KLHL1: variants seen among roughly 807,000 people sequenced by gnomAD.
KLHL1 encodes the protein kelch-like protein 1.
A neutral mutation model predicts 77.7 loss-of-function variants in KLHL1; 47 were observed. The observed-to-expected ratio is 0.60, with a 90% confidence interval of 0.48 to 0.77. KLHL1 has a LOEUF of 0.77. Ranked by LOEUF, KLHL1 falls within the 30% of genes least tolerant of loss-of-function variation. The probability of loss-of-function intolerance (pLI) is 0.00; values close to 1 mark genes in which losing one functional copy is unlikely to be tolerated. For synonymous variants in KLHL1, 360 were observed against 325.2 expected (o/e 1.11, Z -1.15); for missense variants, 925 against 910.8 (o/e 1.02, Z -0.20).
intron 7 of KLHL1, among the ~76,000 whole-genome samples, chr13:69,790,826 G>C (rs1876836532): frequency 6.6e-6 from 1 of 152,108 alleles, no homozygotes; most frequent in African/African-American, 2.4e-5. Context: ...GAGGCAGGTG[G>C]ATCACCTGAG....
intron 9 of KLHL1, among the ~76,000 whole-genome samples, chr13:69,713,784 C>A (rs1176566207): frequency 6.6e-6 from 1 of 151,328 alleles, no homozygotes; most frequent in Non-Finnish European, 1.5e-5. Flanking sequence ...TAATGGTTAC[C>A]CTTAGAGACA....
chr13:70,068,401 C>T (rs1887064896), intron 1 of KLHL1, among the ~76,000 whole-genome samples: 1 of 152,132 alleles, frequency 6.6e-6, no homozygotes, highest in Admixed American at 6.6e-5. Flanking sequence ...ATTATATTTA[C>T]AGTGACACTG....
intron 1 of KLHL1, among the ~76,000 whole-genome samples, chr13:70,004,336 A>T (rs1885359484): frequency 1.3e-5 from 2 of 151,800 alleles, no homozygotes; most frequent in African/African-American, 4.8e-5. Context: ...GGAACATAAA[A>T]ACATTTCACT....
At chr13:69,983,914 A>AGGCACAAG (rs1178231284) in intron 1 of KLHL1, among the ~76,000 whole-genome samples, 4 of 151,920 alleles carry the variant, frequency 2.6e-5, no homozygotes, top group South Asian at 4.2e-4. Context: ...TTTTTGACAA[A>AGGCACAAG]GATCCCACAG....
At chr13:69,918,539 G>A (rs1291611081) in intron 4 of KLHL1, among the ~76,000 whole-genome samples, 1 of 149,698 alleles carries the variant, frequency 6.7e-6, no homozygotes, top group African/African-American at 2.5e-5. Flanking sequence ...TACCTTGCTT[G>A]CCAGCACTTC....
chr13:69,839,163 CTG>C lies in KLHL1; in HGVS notation c.1228-3_1228-2del, dbSNP rs1879144576. 6.3e-7 allele frequency: 1 copy of C among 1,581,224 alleles called. No individual in the cohort carries two copies. The highest frequency in any genetic ancestry group is 1.4e-5 in the African/African-American group (1 of 73,734). On this transcript the variant is annotated splice_acceptor_variant and splice_polypyrimidine_tract_variant and intron_variant, in intron 5 of 10. Coordinates refer to ENST00000377844, the MANE Select transcript of KLHL1 (RefSeq NM_020866.3). LOFTEE classifies it high-confidence loss of function. Reference sequence around the variant, plus strand: ...CATGATTTTCTAGGTCAGCCAATATCTGTGAATAATACACAATAGCTGTTAAT... The same window carrying C: ...CATGATTTTCTAGGTCAGCCAATATCTGAATAATACACAATAGCTGTTAAT...
At chr13:70,067,076 G>A (rs1356313305) in intron 1 of KLHL1, among the ~76,000 whole-genome samples, 2 of 152,050 alleles carry the variant, frequency 1.3e-5, no homozygotes, top group Non-Finnish European at 2.9e-5. Context: ...TCCAGTTTCC[G>A]CAAGATTCAG....
intron 1 of KLHL1, among the ~76,000 whole-genome samples, chr13:70,038,280 T>C (rs7993187): frequency 0.2 from 29,948 of 152,152 alleles, 2,962 homozygotes; most frequent in Middle Eastern, 0.22. Context: ...GTGGTAGCAA[T>C]GTACTATGGC....
intron 7 of KLHL1, among the ~76,000 whole-genome samples, chr13:69,754,048 C>T (rs1266720532): frequency 3.3e-5 from 5 of 151,700 alleles, no homozygotes; most frequent in African/African-American, 1.2e-4. Context: ...ACCTTTGTTG[C>T]CCAGGATGGT....
At chr13:69,833,721 A>C (rs1878858238) in intron 6 of KLHL1, among the ~76,000 whole-genome samples, 1 of 151,206 alleles carries the variant, frequency 6.6e-6, no homozygotes, top group Non-Finnish European at 1.5e-5. Flanking sequence ...ATGCCCATCA[A>C]TCAATGAGTG....
intron 4 of KLHL1, among the ~76,000 whole-genome samples, chr13:69,936,770 A>G (rs141189772): frequency 6.6e-6 from 1 of 152,092 alleles, no homozygotes; most frequent in African/African-American, 2.4e-5. Flanking sequence ...GGAAGTTTCT[A>G]CTGAAGATTT....
intron 5 of KLHL1, among the ~76,000 whole-genome samples, chr13:69,873,527 C>A (rs1880658679): frequency 6.6e-6 from 1 of 152,306 alleles, no homozygotes; most frequent in African/African-American, 2.4e-5. Flanking sequence ...AAGTCTGAAT[C>A]AATATGCTCT....
At chr13:69,701,833 T>C in intron 10 of KLHL1, 72 bp from the exon 11 acceptor site, 1 of 1,082,142 alleles carries the variant, frequency 9.2e-7, no homozygotes, top group South Asian at 1.5e-5. Context: ...TTTTAAAAGA[T>C]TATCTACATG....
intron 1 of KLHL1, among the ~76,000 whole-genome samples, chr13:70,048,386 G>A (rs1467677791): frequency 6.6e-6 from 1 of 152,186 alleles, no homozygotes; most frequent in East Asian, 1.9e-4. Flanking sequence ...TTTGAATGAT[G>A]AGAACAGATT....
At chr13:69,742,344 A>G (rs1253603934) in intron 7 of KLHL1, among the ~76,000 whole-genome samples, 1 of 152,172 alleles carries the variant, frequency 6.6e-6, no homozygotes, top group Non-Finnish European at 1.5e-5. Context: ...CTCCTTTTAA[A>G]TATATTCCGG....
chr13:70,094,105 A>G (rs1306609554), intron 1 of KLHL1, among the ~76,000 whole-genome samples: 3 of 152,108 alleles, frequency 2.0e-5, no homozygotes, highest in Admixed American at 1.3e-4. Flanking sequence ...TTCAAACAAG[A>G]TATTATGTGA....
intron 1 of KLHL1, among the ~76,000 whole-genome samples, chr13:70,091,970 A>G (rs188472141): frequency 6.6e-6 from 1 of 152,244 alleles, no homozygotes; most frequent in Admixed American, 6.5e-5. Flanking sequence ...GTAGTGGGGA[A>G]CATCTACCCA....
intron 4 of KLHL1, among the ~76,000 whole-genome samples, chr13:69,915,056 G>A (rs1204821316): frequency 1.3e-5 from 2 of 151,992 alleles, no homozygotes; most frequent in Admixed American, 1.3e-4. Context: ...TCATTGGAAT[G>A]CAAAAATGGT....
chr13:69,954,179 C>A (rs1297154234), intron 3 of KLHL1, among the ~76,000 whole-genome samples: 1 of 151,194 alleles, frequency 6.6e-6, no homozygotes, highest in Non-Finnish European at 1.5e-5. Context: ...GGGCTGCCCA[C>A]ATCACACTGA....
Sources: allele counts gnomAD v4.1 joint callset (sites outside exome capture counted in the v4.1 genomes callset), GRCh38; gene constraint gnomAD v4.1.1; transcripts MANE v1.5; gene names NCBI Gene and HGNC (gene_info 2026-07-23, HGNC 2026-07-21).